PTPRG: variants seen among roughly 807,000 people sequenced by gnomAD.
PTPRG encodes the protein receptor-type tyrosine-protein phosphatase gamma.
A neutral mutation model predicts 165.3 loss-of-function variants in PTPRG; 102 were observed. The ratio of observed to expected loss-of-function variants is 0.62; its 90% CI spans 0.53 to 0.73. The LOEUF is 0.73. Among genes scored for constraint, PTPRG ranks in the 30% least tolerant of loss-of-function variants. The probability of loss-of-function intolerance (pLI) is 0.00; values close to 1 mark genes in which losing one functional copy is unlikely to be tolerated. For synonymous variants in PTPRG, 675 were observed against 669.5 expected (o/e 1.01, Z -0.13); for missense variants, 1,866 against 1,861.4 (o/e 1.00, Z -0.05).
At chr3:61,894,800 T>C (rs962180888) in intron 2 of PTPRG, among the ~76,000 whole-genome samples, 4 of 152,204 alleles carry the variant, frequency 2.6e-5, no homozygotes, top group Admixed American at 1.3e-4. Context: ...CCCTTGGAGA[T>C]CAGATCCACT....
chr3:61,787,701 T>G (rs913248448), intron 2 of PTPRG, among the ~76,000 whole-genome samples: 2 of 152,308 alleles, frequency 1.3e-5, no homozygotes, highest in African/African-American at 4.8e-5. Flanking sequence ...TATATCACAG[T>G]GGTTCCTGTG....
intron 28 of PTPRG, among the ~76,000 whole-genome samples, chr3:62,287,769 T>TAATAGTGATATAGAGAA (rs1289627305): frequency 1.3e-5 from 2 of 152,204 alleles, no homozygotes; most frequent in Non-Finnish European, 2.9e-5. Context: ...AAGCGTGATC[T>TAATAGTGATATAGAGAA]AATAGTGATA....
rs908836824 is a variant in PTPRG at position 62,124,146 on chromosome 3, G to A, written c.616-8456G>A. ...GAAAAATAAGTTCAGCGCTTAAAAG[G>A]TTCTGTGAATTTGTTGTTGTCGTTG... On this transcript the variant is annotated intron_variant, in intron 5 of 29. Coordinates refer to ENST00000474889, the MANE Select transcript of PTPRG (RefSeq NM_002841.4). 1.1e-5 allele frequency: 7 copies of A among 646,220 alleles called. No homozygotes were observed. The Admixed American group carries it at 1.5e-4, about 14-fold the overall frequency. The allele number at this position is 646,220 out of a possible 1,614,324, so 40.0% of individuals were successfully genotyped here. A position where few individuals can be genotyped will look rare whatever the true frequency, so the allele number is the denominator to read the frequency against.
At chr3:61,777,271 G>T (rs1474733654) in intron 2 of PTPRG, among the ~76,000 whole-genome samples, 1 of 152,144 alleles carries the variant, frequency 6.6e-6, no homozygotes, top group African/African-American at 2.4e-5. Flanking sequence ...ATGTGACCAT[G>T]GAGCACTTGA....
chr3:62,281,432 A>ATATAT, intron 26 of PTPRG, 131 bp from the exon 27 acceptor site: 6 of 738,262 alleles, frequency 8.1e-6, no homozygotes, highest in Middle Eastern at 6.7e-4. Context: ...CGATGGGAAC[A>ATATAT]TATAACTCTT....
chr3:61,808,137 G>C (rs1287613451), intron 2 of PTPRG, among the ~76,000 whole-genome samples: 2 of 152,174 alleles, frequency 1.3e-5, no homozygotes, highest in Non-Finnish European at 2.9e-5. Flanking sequence ...GATTCTTTAG[G>C]ATTGGACCTT....
At chr3:62,167,601 C>T (rs1026886278) in intron 7 of PTPRG, among the ~76,000 whole-genome samples, 10 of 152,092 alleles carry the variant, frequency 6.6e-5, no homozygotes, top group African/African-American at 2.4e-4. Context: ...AGTCTGGCTC[C>T]GGGACATAAC....
At chr3:61,751,543 T>C (rs1361326286) in intron 2 of PTPRG, among the ~76,000 whole-genome samples, 1 of 152,150 alleles carries the variant, frequency 6.6e-6, no homozygotes, top group East Asian at 1.9e-4. Flanking sequence ...TGTGAGAGTA[T>C]GAATTTTGAA....
intron 2 of PTPRG, among the ~76,000 whole-genome samples, chr3:61,977,508 G>T (rs1448997665): frequency 6.6e-6 from 1 of 152,052 alleles, no homozygotes; most frequent in Non-Finnish European, 1.5e-5. Context: ...TGTAATTTTT[G>T]TGTATATACC....
chr3:62,124,332 G>T, intron 5 of PTPRG: 3 of 1,611,368 alleles, frequency 1.9e-6, no homozygotes, highest in Non-Finnish European at 2.5e-6. Context: ...TTCTGCCCGG[G>T]TCTCTGGTGA....
intron 4 of PTPRG, among the ~76,000 whole-genome samples, chr3:62,030,884 G>A (rs1403114301): frequency 6.6e-6 from 1 of 152,088 alleles, no homozygotes; most frequent in East Asian, 1.9e-4. Context: ...CCACTGCCTG[G>A]GTAAATCTAA....
intron 2 of PTPRG, among the ~76,000 whole-genome samples, chr3:61,753,916 A>G (rs2033545061): frequency 6.6e-6 from 1 of 152,032 alleles, no homozygotes; most frequent in Non-Finnish European, 1.5e-5. Flanking sequence ...TTATATATAA[A>G]GTTATTTTCT....
rs538483469 is a variant in PTPRG at position 62,213,808 on chromosome 3, G to T, written c.2156-5043G>T. On this transcript the variant is annotated intron_variant, in intron 12 of 29. Coordinates refer to ENST00000474889, the MANE Select transcript of PTPRG (RefSeq NM_002841.4). This position sits in a 1 kb window ranked among gnomAD's most constrained non-coding sequence, Gnocchi z 4.4. Reference sequence around the variant, plus strand: ...GGGTGTATACTCAGGGCCACATTTTGTGTGTTGTAGTAGTCCTAGCAGCTT... The same window carrying T: ...GGGTGTATACTCAGGGCCACATTTTTTGTGTTGTAGTAGTCCTAGCAGCTT... 6.6e-6 allele frequency among the ~76,000 whole-genome samples: 1 copy of T among 152,296 alleles called. No homozygotes were observed. The highest frequency in any genetic ancestry group is 1.5e-5 in the Non-Finnish European group (1 of 68,030).
chr3:62,192,244 TC>T (rs929903304), intron 9 of PTPRG, among the ~76,000 whole-genome samples: 1 of 152,122 alleles, frequency 6.6e-6, no homozygotes. Flanking sequence ...TGCTATACTA[TC>T]TGACCTCACT....
intron 2 of PTPRG, among the ~76,000 whole-genome samples, chr3:61,981,892 C>T (rs1387227165): frequency 1.3e-5 from 2 of 152,130 alleles, no homozygotes; most frequent in Non-Finnish European, 1.5e-5. Flanking sequence ...ATGACTGTCC[C>T]CCTAGAAAGG....
At chr3:61,813,905 T>TG (rs397942138) in intron 2 of PTPRG, among the ~76,000 whole-genome samples, 2,937 of 147,212 alleles carry the variant, frequency 0.02, 37 homozygotes, top group Middle Eastern at 0.043. Flanking sequence ...TTTTTTTTTT[T>TG]GGGGGGGGTT....
rs533882817 is a variant in PTPRG, at chr3:61,990,866, T to C, written c.370+1062T>C. Among the ~76,000 whole-genome samples, 5 of 151,778 alleles carry C rather than the reference T, an allele frequency of 3.3e-5. No individual in the cohort carries two copies. In the South Asian group the frequency reaches 1.0e-3, roughly 32 times the overall value. ...TAAAATGACTTAGCTCCTAGCCCTT[T>C]GGTGCTATTCATGTTGTAGGTCACA... On this transcript the variant is annotated intron_variant, in intron 3 of 29. Coordinates refer to ENST00000474889, the MANE Select transcript of PTPRG (RefSeq NM_002841.4).
intron 11 of PTPRG, among the ~76,000 whole-genome samples, chr3:62,202,606 A>G (rs1310652398): frequency 6.6e-6 from 1 of 152,366 alleles, no homozygotes; most frequent in East Asian, 1.9e-4. Flanking sequence ...CAGAGCATGC[A>G]GTGCAGAGCA....
At chr3:61,784,383 C>A (rs1236305115) in intron 2 of PTPRG, among the ~76,000 whole-genome samples, 2 of 152,158 alleles carry the variant, frequency 1.3e-5, no homozygotes, top group Non-Finnish European at 2.9e-5. Context: ...TTAATGCACA[C>A]CATAATATGT....
Sources: gnomAD v4.1 joint callset for allele counts (sites outside exome capture counted in the v4.1 genomes callset) on GRCh38, gnomAD v4.1.1 for gene constraint, Gnocchi (gnomAD v3.1) non-coding constraint, MANE v1.5 for transcripts, NCBI Gene and HGNC (gene_info 2026-07-23, HGNC 2026-07-21) for gene names.